Variants in LRP1B observed in about 807,000 individuals in gnomAD.
LRP1B encodes low-density lipoprotein receptor-related protein 1B.
LRP1B carries 217 observed loss-of-function variants against 556.6 expected under a neutral mutation model. That is an observed-to-expected ratio of 0.39 (90% confidence interval 0.35 to 0.44). The LOEUF (loss-of-function observed/expected upper bound fraction) is 0.44, where lower values mean the gene tolerates loss of function less well. Ranked by LOEUF, LRP1B falls within the 20% of genes least tolerant of loss-of-function variation. LRP1B has a pLI of 1.00. For synonymous variants in LRP1B, 2,047 were observed against 1,865.8 expected (o/e 1.10, Z -2.50); for missense variants, 5,053 against 5,620.8 (o/e 0.90, Z 3.23).
At position 141,795,857 on chromosome 2, in the gene LRP1B, AATATATATATATATATAT is replaced by A. The variant is rs1198211801; in HGVS notation, c.205+14404_205+14421del. 6.8e-4 allele frequency among the ~76,000 whole-genome samples: 35 copies of A among 51,612 alleles called. 1 individual carries two copies. The highest frequency in any genetic ancestry group is 1.7e-3 in the East Asian group (2 of 1,206). The allele number at this position is 51,612 out of a possible 152,430, so 33.9% of individuals were successfully genotyped here. ...GAAATAGAGAATGAAAACCAGGAGC[AATATATATATATATATAT>A]ATATATATATATATATATATATATA... is the stretch of plus-strand genomic sequence containing the variant. On this transcript the variant is annotated intron_variant, in intron 2 of 90. Transcript: ENST00000389484.
At chr2:141,418,239 T>C (rs1296907768) in intron 3 of LRP1B, among the ~76,000 whole-genome samples, 1 of 152,164 alleles carries the variant, frequency 6.6e-6, no homozygotes, top group Non-Finnish European at 1.5e-5. Flanking sequence ...ATTTTTAGTT[T>C]GATGTAATCT....
In LRP1B at chr2:140,725,448, T is replaced by C. The variant is rs149900072; in HGVS notation, c.5759-8632A>G. Among the ~76,000 whole-genome samples the C allele has an allele frequency of 5.6e-4, 83 of 149,454 alleles. 2 individuals carry two copies. The East Asian group carries it at 0.016, about 29-fold the overall frequency. On this transcript the variant is annotated intron_variant, in intron 35 of 90. Coordinates refer to ENST00000389484, the MANE Select transcript of LRP1B (RefSeq NM_018557.3). ...GGAAACATGTCATAAGGACATTTAT[T>C]ATAATAGCGTAAAAACTCCAAACTG...
chr2:140,502,254 A>T (rs747829524), intron 54 of LRP1B, among the ~76,000 whole-genome samples: 1 of 152,056 alleles, frequency 6.6e-6, no homozygotes, highest in Non-Finnish European at 1.5e-5. Flanking sequence ...ACTAAAAACT[A>T]AGAATCTAGA....
intron 2 of LRP1B, among the ~76,000 whole-genome samples, chr2:141,649,401 T>A (rs1689701476): frequency 1.3e-5 from 2 of 152,182 alleles, no homozygotes; most frequent in African/African-American, 4.8e-5. Context: ...ATTCTCTTCT[T>A]ACCATAAAAA....
intron 55 of LRP1B, among the ~76,000 whole-genome samples, chr2:140,498,652 A>G (rs1370632081): frequency 2.0e-5 from 3 of 151,840 alleles, no homozygotes; most frequent in African/African-American, 7.2e-5. Flanking sequence ...AGTTTTCACC[A>G]TTCTCTGAAA....
At chr2:140,858,302 T>C (rs1692678741) in intron 27 of LRP1B, among the ~76,000 whole-genome samples, 1 of 151,922 alleles carries the variant, frequency 6.6e-6, no homozygotes, top group Admixed American at 6.6e-5. Context: ...TAAAATAGGA[T>C]ACATGTTAGA....
chr2:141,809,604 T>TATATAATTTGTATA (rs1696270509), intron 2 of LRP1B, among the ~76,000 whole-genome samples: 1 of 152,084 alleles, frequency 6.6e-6, no homozygotes, highest in Admixed American at 6.6e-5. Flanking sequence ...TATAGTGGTA[T>TATATAATTTGTATA]GTGTAATATG....
At chr2:140,672,482 T>TAACAAAAAAAAAAAAAAAAAAAAAAAA (rs1685521465) in intron 41 of LRP1B, among the ~76,000 whole-genome samples, 1 of 81,592 alleles carries the variant, frequency 1.2e-5, no homozygotes, top group African/African-American at 5.5e-5. Context: ...AGACTCCATC[T>TAACAAAAAAAAAAAAAAAAAAAAAAAA]AAAAAAAAAA....
intron 3 of LRP1B, among the ~76,000 whole-genome samples, chr2:141,363,183 C>T (rs1007096150): frequency 6.6e-6 from 1 of 152,082 alleles, no homozygotes; most frequent in African/African-American, 2.4e-5. Context: ...TTTTGTCCAC[C>T]AGGTCTCACC....
chr2:141,969,020 T>C (rs1701645478), intron 1 of LRP1B, among the ~76,000 whole-genome samples: 1 of 151,580 alleles, frequency 6.6e-6, no homozygotes, highest in African/African-American at 2.4e-5. Context: ...CATTCATGCA[T>C]TCAATCTAAA....
intron 1 of LRP1B, among the ~76,000 whole-genome samples, chr2:141,833,893 T>A (rs1372122023): frequency 6.8e-6 from 1 of 147,938 alleles, no homozygotes; most frequent in African/African-American, 2.6e-5. Context: ...TTGAGTGGGG[T>A]TTGAAGGATG....
At chr2:141,800,110 GTCAC>G (rs532559564) in intron 2 of LRP1B, among the ~76,000 whole-genome samples, 148 of 152,088 alleles carry the variant, frequency 9.7e-4, no homozygotes, top group Non-Finnish European at 1.8e-3. Context: ...TCATATAGTA[GTCAC>G]TCAATTAAAA....
intron 1 of LRP1B, among the ~76,000 whole-genome samples, chr2:142,041,812 G>A (rs1331574952): frequency 6.6e-6 from 1 of 151,362 alleles, no homozygotes; most frequent in South Asian, 2.1e-4. Flanking sequence ...CTTTTGCAAA[G>A]GTATTATGTG....
chr2:140,259,352 C>A (rs17476635), intron 86 of LRP1B, among the ~76,000 whole-genome samples: 5,892 of 152,044 alleles, frequency 0.039, 125 homozygotes, highest in South Asian at 0.083. Context: ...TAAGTTAAGA[C>A]GGTGTATTAA....
At chr2:140,590,352 T>C (rs1241543282) in intron 43 of LRP1B, among the ~76,000 whole-genome samples, 1 of 149,342 alleles carries the variant, frequency 6.7e-6, no homozygotes, top group African/African-American at 2.4e-5. Context: ...TGTATATATA[T>C]ATATAGATGA....
chr2:141,983,966 CAGG>C (rs1461911176), intron 1 of LRP1B, among the ~76,000 whole-genome samples: 2 of 152,086 alleles, frequency 1.3e-5, no homozygotes, highest in African/African-American at 4.8e-5. Flanking sequence ...GAAGCTGAGG[CAGG>C]AGAATCGCTT....
intron 2 of LRP1B, among the ~76,000 whole-genome samples, chr2:141,505,586 T>C (rs1405405534): frequency 1.3e-5 from 2 of 152,122 alleles, no homozygotes; most frequent in African/African-American, 4.8e-5. Context: ...GTTAAAATTA[T>C]TCAACATATA....
chr2:140,763,260 T>C (rs1014385136), intron 35 of LRP1B, among the ~76,000 whole-genome samples: 2 of 151,904 alleles, frequency 1.3e-5, no homozygotes, highest in Non-Finnish European at 2.9e-5. Context: ...CTTTAGAAAA[T>C]AGGTTTCTCA....
intron 3 of LRP1B, among the ~76,000 whole-genome samples, chr2:141,298,344 G>C (rs1686260267): frequency 6.6e-6 from 1 of 152,096 alleles, no homozygotes; most frequent in African/African-American, 2.4e-5. Context: ...GGCCACTCTA[G>C]AAAAACTAAT....
Sources: allele counts gnomAD v4.1 joint callset (sites outside exome capture counted in the v4.1 genomes callset), GRCh38; gene constraint gnomAD v4.1.1; transcripts MANE v1.5; gene names NCBI Gene and HGNC (gene_info 2026-07-23, HGNC 2026-07-21).